EYA4: variants seen among roughly 807,000 people sequenced by gnomAD.
EYA4 encodes protein phosphatase EYA4.
In EYA4, 31 loss-of-function variants were observed where a neutral mutation model predicts 87.9. The observed-to-expected ratio is 0.35, with a 90% CI of 0.27 to 0.48. The LOEUF (loss-of-function observed/expected upper bound fraction) is 0.48. EYA4 is among the 20% of genes least tolerant of loss of function. The probability of loss-of-function intolerance (pLI) is 0.99; values close to 1 mark genes in which losing one functional copy is unlikely to be tolerated. For missense variants in EYA4, 678 were observed against 761.4 expected (o/e 0.89, Z 1.29); for synonymous variants, 263 against 270.6 (o/e 0.97, Z 0.28).
intron 2 of EYA4, among the ~76,000 whole-genome samples, chr6:133,329,497 A>G (rs1781756347): frequency 6.6e-6 from 1 of 152,132 alleles, no homozygotes; most frequent in Non-Finnish European, 1.5e-5. Flanking sequence ...AACCTTTGAT[A>G]CCATGAGTGT....
At chr6:133,367,024 T>C (rs193096977) in intron 2 of EYA4, among the ~76,000 whole-genome samples, 1 of 152,314 alleles carries the variant, frequency 6.6e-6, no homozygotes, top group East Asian at 1.9e-4. Flanking sequence ...TTGCCAGTAA[T>C]GAAAAGTGGC....
chr6:133,509,711 TAAA>T (rs1798973539), intron 14 of EYA4, among the ~76,000 whole-genome samples: 1 of 152,226 alleles, frequency 6.6e-6, no homozygotes, highest in African/African-American at 2.4e-5. Flanking sequence ...TTATAACTGA[TAAA>T]TATCAGTGAC....
intron 10 of EYA4, among the ~76,000 whole-genome samples, chr6:133,465,539 T>A (rs1489713987): frequency 6.6e-6 from 1 of 152,138 alleles, no homozygotes; most frequent in Non-Finnish European, 1.5e-5. Flanking sequence ...CAAGAGTGAA[T>A]GTCCCTGAAT....
intron 2 of EYA4, among the ~76,000 whole-genome samples, chr6:133,343,455 TA>T (rs1255216419): frequency 6.6e-6 from 1 of 152,104 alleles, no homozygotes; most frequent in Admixed American, 6.5e-5. Flanking sequence ...CTTCACCTGC[TA>T]TCCTGGATCA....
chr6:133,360,952 C>T (rs1308311437), intron 2 of EYA4, among the ~76,000 whole-genome samples: 1 of 152,184 alleles, frequency 6.6e-6, no homozygotes, highest in East Asian at 1.9e-4. Flanking sequence ...ATAGGGAAGA[C>T]ACAGAAGCGC....
rs1287209361 is a variant in EYA4, at chr6:133,529,397, G to A, written c.*592G>A. ...GGGAGGGGAATGGGAGGGGAAATGG[G>A]AATATAATATTGTCTCTTTTTTAAG... On this transcript the variant is annotated 3_prime_UTR_variant, in exon 20 of 20. Transcript: ENST00000355286. 1.0e-6 allele frequency: 1 copy of A among 993,134 alleles called. No individual in the cohort carries two copies. The highest frequency in any genetic ancestry group is 1.2e-6 in the Non-Finnish European group (1 of 833,878). 61.5% of individuals were successfully genotyped at this position (993,134 alleles called of 1,614,324 possible).
chr6:133,294,754 T>C (rs139238908), intron 2 of EYA4, among the ~76,000 whole-genome samples: 1,898 of 152,016 alleles, frequency 0.012, 39 homozygotes, highest in African/African-American at 0.043. Flanking sequence ...TTTTATTTTA[T>C]TTTTTTAGTA....
intron 2 of EYA4, among the ~76,000 whole-genome samples, chr6:133,279,819 T>C (rs1056663319): frequency 6.6e-6 from 1 of 152,162 alleles, no homozygotes; most frequent in South Asian, 2.1e-4. Flanking sequence ...AACTATTGTA[T>C]AGAATTGAAT....
At chr6:133,495,135 G>A (rs1330518365) in intron 13 of EYA4, among the ~76,000 whole-genome samples, 1 of 151,816 alleles carries the variant, frequency 6.6e-6, no homozygotes, top group South Asian at 2.1e-4. Context: ...CAGGTGTGGT[G>A]GTGGGCACCT....
At position 133,479,486 on chromosome 6, in the gene EYA4, A is replaced by T. The variant is rs1000794845; in HGVS notation, c.971-1977A>T. On this transcript the variant is annotated intron_variant, in intron 11 of 19. Transcript: ENST00000355286. Reference sequence around the variant, plus strand: ...AATGTTAGAGGTTACCCATGTAAAAATTACTATTTCTCAGAAAAAGTGATG... The same window carrying T: ...AATGTTAGAGGTTACCCATGTAAAATTTACTATTTCTCAGAAAAAGTGATG... 2.4e-4 allele frequency among the ~76,000 whole-genome samples: 36 copies of T among 152,326 alleles called. No homozygotes were observed. The East Asian group carries it at 6.7e-3, about 29-fold the overall frequency.
At chr6:133,402,183 A>G (rs956611497) in intron 3 of EYA4, among the ~76,000 whole-genome samples, 1 of 152,120 alleles carries the variant, frequency 6.6e-6, no homozygotes, top group African/African-American at 2.4e-5. Flanking sequence ...ATACACACAC[A>G]CATACCCCTT....
At position 133,311,915 on chromosome 6, in the gene EYA4, A is replaced by C. The variant is rs148194421; in HGVS notation, c.33+37102A>C. On this transcript the variant is annotated intron_variant, in intron 2 of 19. Transcript: ENST00000355286. ...AACACCTGTGGACTCTAGTCATGGA[A>C]CTTCATCTACTGGTAGAATAGATAT... Among the ~76,000 whole-genome samples, 120 of 152,334 alleles carry C rather than the reference A, an allele frequency of 7.9e-4. 1 individual carries two copies. Among genetic ancestry groups the C allele is most frequent in the African/African-American group, 2.7e-3 (111 of 41,576 alleles).
At chr6:133,329,740 G>T (rs1300152328) in intron 2 of EYA4, among the ~76,000 whole-genome samples, 7 of 151,932 alleles carry the variant, frequency 4.6e-5, no homozygotes, top group Non-Finnish European at 5.9e-5. Context: ...AAATAACCTG[G>T]GTCTAACATA....
chr6:133,442,478 GTT>G (rs930780654), intron 3 of EYA4, among the ~76,000 whole-genome samples: 1 of 151,514 alleles, frequency 6.6e-6, no homozygotes, highest in East Asian at 1.9e-4. Context: ...ATTTTTTAGG[GTT>G]TTTTTTAGTT....
chr6:133,287,081 C>A (rs976397150), intron 2 of EYA4, among the ~76,000 whole-genome samples: 1 of 152,222 alleles, frequency 6.6e-6, no homozygotes, highest in African/African-American at 2.4e-5. Context: ...CATCTGTTTC[C>A]AATGAGTGTT....
chr6:133,448,194 G>T lies in EYA4; in HGVS notation c.277+15G>T. ...TTCTGCAACAAGTATGAGAGATGCT[G>T]GTACACTGCATGTGTTTGGGTGTGT... is the stretch of plus-strand genomic sequence containing the variant. On this transcript the variant is annotated intron_variant, in intron 5 of 19. Transcript: ENST00000355286. 1 of 1,594,222 alleles carries T rather than the reference G, an allele frequency of 6.3e-7. No individual in the cohort carries two copies. Among genetic ancestry groups the T allele is most frequent in the Non-Finnish European group, 8.6e-7 (1 of 1,161,862 alleles).
chr6:133,461,159 C>G lies in EYA4; in HGVS notation c.416C>G (p.Ser139Cys). ...AGCCCCAGATCAGCACATCAGTATT[C>G]CCCACAGCTGTATCCTTCCAAGTAA... Reference protein sequence around the residue: ...GYSPRSAHQYSPQLYPSKPYP... With the variant: ...GYSPRSAHQYCPQLYPSKPYP... The change falls in exon 7 of 20, where the codon TCC (serine) becomes TGC (cysteine). Residue 139 changes from serine to cysteine, a missense_variant. By Grantham distance (112) the Ser-to-Cys change is moderately radical. Coordinates refer to ENST00000355286, the MANE Select transcript of EYA4 (RefSeq NM_004100.5). The G allele has an allele frequency of 6.2e-7, 1 of 1,612,766 alleles. No individual in the cohort carries two copies. The highest frequency in any genetic ancestry group is 8.5e-7 in the Non-Finnish European group (1 of 1,178,856).
At chr6:133,397,250 A>G (rs571152530) in intron 3 of EYA4, among the ~76,000 whole-genome samples, 30 of 152,330 alleles carry the variant, frequency 2.0e-4, no homozygotes, top group African/African-American at 5.5e-4. Context: ...CAGTAACATC[A>G]TTTGACTGTA....
chr6:133,259,471 C>T (rs760561382), intron 1 of EYA4, among the ~76,000 whole-genome samples: 4 of 152,178 alleles, frequency 2.6e-5, no homozygotes, highest in African/African-American at 7.2e-5. Flanking sequence ...GTAAAGGTGG[C>T]CCTACTTCTA....
Sources: allele counts gnomAD v4.1 joint callset (sites outside exome capture counted in the v4.1 genomes callset), GRCh38; gene constraint gnomAD v4.1.1; transcripts MANE v1.5; gene names NCBI Gene and HGNC (gene_info 2026-07-23, HGNC 2026-07-21).